Variants in NRXN3 observed in about 807,000 individuals in gnomAD.
The protein encoded by NRXN3 is neurexin III.
Under a neutral mutation model 137.6 loss-of-function variants are expected in NRXN3, and 32 were observed. That is an observed-to-expected ratio of 0.23 (90% CI 0.18 to 0.31). The LOEUF is 0.31. NRXN3 is among the 10% of genes least tolerant of loss of function. NRXN3 has a pLI of 1.00. For synonymous variants in NRXN3, 798 were observed against 784.5 expected (o/e 1.02, Z -0.29); for missense variants, 1,574 against 2,062.5 (o/e 0.76, Z 4.59).
intron 15 of NRXN3, among the ~76,000 whole-genome samples, chr14:79,166,668 A>G (rs1165061507): frequency 1.3e-5 from 2 of 151,706 alleles, no homozygotes; most frequent in Admixed American, 6.6e-5. Flanking sequence ...CAGGGTTACC[A>G]TAACTTTTCT....
At chr14:78,570,787 T>C (rs1448219067) in intron 4 of NRXN3, among the ~76,000 whole-genome samples, 1 of 152,212 alleles carries the variant, frequency 6.6e-6, no homozygotes, top group Non-Finnish European at 1.5e-5. Flanking sequence ...GGTGACTTTT[T>C]AAAGCCGCCC....
intron 4 of NRXN3, among the ~76,000 whole-genome samples, chr14:78,508,333 A>C (rs1425749045): frequency 6.6e-6 from 1 of 152,240 alleles, no homozygotes; most frequent in African/African-American, 2.4e-5. Context: ...AGTCACTGCC[A>C]TTATGGTATA....
intron 16 of NRXN3, among the ~76,000 whole-genome samples, chr14:79,552,582 G>T (rs562172636): frequency 1.4e-4 from 21 of 152,198 alleles, no homozygotes; most frequent in African/African-American, 5.1e-4. Context: ...TCAAAGAAAG[G>T]CCAGATAGTT....
At chr14:78,479,677 G>A (rs762473103) in intron 4 of NRXN3, among the ~76,000 whole-genome samples, 6 of 152,146 alleles carry the variant, frequency 3.9e-5, no homozygotes, top group Non-Finnish European at 8.8e-5. Flanking sequence ...GAACTATGGT[G>A]GAGGTTAATA....
intron 8 of NRXN3, among the ~76,000 whole-genome samples, chr14:78,776,975 C>G (rs575916964): frequency 6.6e-6 from 1 of 152,104 alleles, no homozygotes; most frequent in Admixed American, 6.5e-5. Flanking sequence ...TCTCAGAGCC[C>G]TACTTTGAAA....
chr14:79,521,443 TCTC>T (rs1370746097), intron 16 of NRXN3, among the ~76,000 whole-genome samples: 2 of 152,152 alleles, frequency 1.3e-5, no homozygotes, highest in African/African-American at 2.4e-5. Context: ...AATCTTGTCT[TCTC>T]CTCTCAGTCT....
At position 79,755,532 on chromosome 14, in the gene NRXN3, A is replaced by T. The variant is rs1346097663; in HGVS notation, c.4015-49580A>T. 6.6e-3 allele frequency among the ~76,000 whole-genome samples: 933 copies of T among 140,540 alleles called. 9 individuals carry two copies. The highest frequency in any genetic ancestry group is 0.023 in the African/African-American group (903 of 39,070). 92.2% of individuals were successfully genotyped at this position (140,540 alleles called of 152,430 possible). A position where few individuals can be genotyped will look rare whatever the true frequency, so the allele number is the denominator to read the frequency against. On this transcript the variant is annotated intron_variant, in intron 19 of 20. Coordinates refer to ENST00000335750, the MANE Select transcript of NRXN3 (RefSeq NM_001330195.2). ...TTTTTATGAAGTAAAAATACCGAAG[A>T]TTTTTTTTTTTTTTTGCTAGAAGTA... is the stretch of plus-strand genomic sequence containing the variant.
At position 79,867,983 on chromosome 14, in the gene NRXN3, TG is replaced by T. The variant is rs2099418695; in HGVS notation, c.*6022del. 1 of 151,668 alleles carries T rather than the reference TG, an allele frequency of 6.6e-6. No individual in the cohort carries two copies. Among genetic ancestry groups the T allele is most frequent in the Non-Finnish European group, 1.5e-5 (1 of 67,946 alleles). The allele number at this position is 151,668 out of a possible 1,614,324, so 9.4% of individuals were successfully genotyped here. A position where few individuals can be genotyped will look rare whatever the true frequency, so the allele number is the denominator to read the frequency against. On this transcript the variant is annotated 3_prime_UTR_variant, in exon 21 of 21. Coordinates refer to ENST00000335750, the MANE Select transcript of NRXN3 (RefSeq NM_001330195.2). ...GAGTTTTTTTTTTTTAATGATTACA[TG>T]GGTTCTAGAGTCAAAATGCCATGGC...
At chr14:79,411,602 C>T (rs1317176198) in intron 15 of NRXN3, among the ~76,000 whole-genome samples, 1 of 152,038 alleles carries the variant, frequency 6.6e-6, no homozygotes, top group African/African-American at 2.4e-5. Context: ...TTTAAACAAC[C>T]ATGTTATACT....
At chr14:79,540,298 A>G (rs193041301) in intron 16 of NRXN3, among the ~76,000 whole-genome samples, 61 of 87,580 alleles carry the variant, frequency 7.0e-4, no homozygotes, top group Non-Finnish European at 9.1e-4. Flanking sequence ...TTTGTTTTTA[A>G]TTAACACATA....
intron 16 of NRXN3, among the ~76,000 whole-genome samples, chr14:79,639,198 T>C (rs1414754186): frequency 6.6e-6 from 1 of 152,174 alleles, no homozygotes; most frequent in African/African-American, 2.4e-5. Flanking sequence ...AAAGAGATAT[T>C]GGACAGATTA....
intron 15 of NRXN3, among the ~76,000 whole-genome samples, chr14:79,087,322 A>T (rs1282269180): frequency 6.6e-6 from 1 of 152,022 alleles, no homozygotes; most frequent in Non-Finnish European, 1.5e-5. Context: ...CCCAGGTCTC[A>T]TTTGCTGGCT....
chr14:79,210,995 A>C (rs1313837803), intron 15 of NRXN3, among the ~76,000 whole-genome samples: 1 of 152,146 alleles, frequency 6.6e-6, no homozygotes, highest in East Asian at 1.9e-4. Flanking sequence ...CAAATCTAAA[A>C]TTCCTACAGT....
chr14:79,624,746 G>A (rs762486746), intron 16 of NRXN3, among the ~76,000 whole-genome samples: 20 of 149,776 alleles, frequency 1.3e-4, no homozygotes, highest in Non-Finnish European at 2.2e-4. Flanking sequence ...TATTAGTGTC[G>A]ACTTAGGAGT....
chr14:79,171,090 A>G (rs552796932), intron 15 of NRXN3, among the ~76,000 whole-genome samples: 153 of 152,148 alleles, frequency 1.0e-3, no homozygotes, highest in Non-Finnish European at 1.8e-3. Context: ...CCTACTCTAC[A>G]AGGTTTTACT....
chr14:78,317,094 G>C (rs1244678861), intron 4 of NRXN3, among the ~76,000 whole-genome samples: 1 of 152,210 alleles, frequency 6.6e-6, no homozygotes, highest in Non-Finnish European at 1.5e-5. Context: ...TATAGTTTCA[G>C]TGTGAGCCCT....
intron 8 of NRXN3, among the ~76,000 whole-genome samples, chr14:78,721,901 C>A (rs2098461812): frequency 6.6e-6 from 1 of 151,272 alleles, no homozygotes; most frequent in South Asian, 2.1e-4. Context: ...CAAATGTATC[C>A]CTGGTGACAG....
At chr14:78,360,583 A>G (rs2084966131) in intron 4 of NRXN3, among the ~76,000 whole-genome samples, 1 of 152,122 alleles carries the variant, frequency 6.6e-6, no homozygotes, top group South Asian at 2.1e-4. Flanking sequence ...TATCTCCACA[A>G]TGGGATAGTA....
chr14:79,642,491 T>G (rs2098437778), intron 16 of NRXN3, among the ~76,000 whole-genome samples: 1 of 135,466 alleles, frequency 7.4e-6, no homozygotes, highest in African/African-American at 2.5e-5. Context: ...CTCCAATACA[T>G]CATATCACAT....
Sources: gnomAD v4.1 joint callset for allele counts (sites outside exome capture counted in the v4.1 genomes callset) on GRCh38, gnomAD v4.1.1 for gene constraint, MANE v1.5 for transcripts, NCBI Gene and HGNC (gene_info 2026-07-23, HGNC 2026-07-21) for gene names.